The following LRP1 variants were observed in gnomAD, a reference collection of about 807,000 sequenced individuals.
The protein encoded by LRP1 is prolow-density lipoprotein receptor-related protein 1.
Under a neutral mutation model 541.5 loss-of-function variants are expected in LRP1, and 51 were observed. That is an observed-to-expected ratio of 0.09 (90% CI 0.08 to 0.12). The LOEUF (loss-of-function observed/expected upper bound fraction) is 0.12, where lower values mean the gene tolerates loss of function less well. Ranked by LOEUF, LRP1 falls within the 10% of genes least tolerant of loss-of-function variation. LRP1 has a pLI of 1.00. For missense variants in LRP1, 3,878 were observed against 6,376.2 expected (o/e 0.61, Z 13.34); for synonymous variants, 2,219 against 2,470.8 (o/e 0.90, Z 3.02).
Position 57,156,722 on chromosome 12 carries a change from A to G in LRP1, c.1418-55A>G. The G allele has an allele frequency of 6.5e-7, 1 of 1,537,504 alleles. No homozygotes were observed. Among genetic ancestry groups the G allele is most frequent in the South Asian group, 1.2e-5 (1 of 83,302 alleles). ...GTGGTCAGATTCAGGAAGCCTTCTC[A>G]AGGCCTGGCACAGGGGCTCTGAGGG... is the stretch of plus-strand genomic sequence containing the variant. On this transcript the variant is annotated intron_variant, in intron 9 of 88. Coordinates refer to ENST00000243077, the MANE Select transcript of LRP1 (RefSeq NM_002332.3). The surrounding 1 kb of genome is among the most constrained non-coding windows in gnomAD (Gnocchi z 5.2).
Position 57,193,875 on chromosome 12 carries a change from G to A in LRP1, c.7805-24G>A, listed in dbSNP as rs368887613. On this transcript the variant is annotated intron_variant, in intron 47 of 88. Transcript: ENST00000243077. The stretch of plus-strand genomic sequence containing the variant: ...CCCACAGAGAAAACTCTGGCCTGAC[G>A]ATACGGGGCGGGCACTGTTCTAGAG... 1.6e-5 allele frequency: 26 copies of A among 1,607,850 alleles called. No homozygotes were observed. In the Middle Eastern group the frequency reaches 5.2e-4, roughly 32 times the overall value.
chr12:57,192,781 C>T (rs1253898019), intron 44 of LRP1, 64 bp from the exon 45 acceptor site: 1 of 1,601,284 alleles, frequency 6.2e-7, no homozygotes, highest in African/African-American at 1.3e-5. Context: ...TGGGTGGGTG[C>T]ACTCTGGGTG....
chr12:57,136,644 T>TG (rs1405165714), intron 1 of LRP1, among the ~76,000 whole-genome samples: 3 of 151,706 alleles, frequency 2.0e-5, no homozygotes, highest in Non-Finnish European at 4.4e-5. Context: ...AGCTCAGCCT[T>TG]GGGTGGGGGA....
At chr12:57,160,775 T>G in intron 12 of LRP1, 118 bp from the exon 13 acceptor site, 1 of 684,408 alleles carries the variant, frequency 1.5e-6, no homozygotes, top group Non-Finnish European at 2.6e-6. Flanking sequence ...GGTCCAGTGA[T>G]GAGCAGGACA....
chr12:57,191,849 CCACACACCA>C (rs2036395677), intron 44 of LRP1, among the ~76,000 whole-genome samples: 1 of 8,098 alleles, frequency 1.2e-4, no homozygotes, highest in African/African-American at 5.4e-4. Flanking sequence ...CACACACACA[CCACACACCA>C]CATACACACC....
rs1472501189 is a variant in LRP1, at chr12:57,177,781, T to C, written c.4361+190T>C. On this transcript the variant is annotated intron_variant, in intron 26 of 88. Transcript: ENST00000243077. This position sits in a 1 kb window ranked among gnomAD's most constrained non-coding sequence, Gnocchi z 6.8. ...GCCAGGGCCGAGGGGAGGGGGCAGG[T>C]AGAGGAGGCGGAAGCAGGGCCATCA... Among the ~76,000 whole-genome samples the C allele has an allele frequency of 6.6e-6, 1 of 151,704 alleles. No individual in the cohort carries two copies. The highest frequency in any genetic ancestry group is 2.4e-5 in the African/African-American group (1 of 41,276).
Position 57,177,372 on chromosome 12 carries a change from A to C in LRP1, c.4197-55A>C. The C allele has an allele frequency of 2.6e-6, 4 of 1,562,608 alleles. No homozygotes were observed. Among genetic ancestry groups the C allele is most frequent in the Non-Finnish European group, 3.5e-6 (4 of 1,149,474 alleles). ...CACCCTCTACCTACGATCCCACCAC[A>C]GTCGCTCCCTGAGGGCCCTGACTTT... On this transcript the variant is annotated intron_variant, in intron 25 of 88. Coordinates refer to ENST00000243077, the MANE Select transcript of LRP1 (RefSeq NM_002332.3). The surrounding 1 kb of genome is among the most constrained non-coding windows in gnomAD (Gnocchi z 6.8).
intron 77 of LRP1, 163 bp from the exon 78 acceptor site, chr12:57,208,548 C>T (rs2036837306): frequency 1.7e-6 from 1 of 597,004 alleles, no homozygotes; most frequent in African/African-American, 1.9e-5. Context: ...GCCCCTCAAC[C>T]TGCTCAGAAG....
chr12:57,155,098 A>G (rs561722616), intron 8 of LRP1: 4 of 448,856 alleles, frequency 8.9e-6, no homozygotes, highest in African/African-American at 7.8e-5. Context: ...TTGCTGGCTC[A>G]GAGGTGGCAT....
chr12:57,177,277 C>T lies in LRP1; in HGVS notation c.4196+32C>T. 6.2e-6 allele frequency: 10 copies of T among 1,607,824 alleles called. No homozygotes were observed. Among genetic ancestry groups the T allele is most frequent in the Non-Finnish European group, 8.5e-6 (10 of 1,175,244 alleles). Reference sequence around the variant, plus strand: ...ACCTTGCCCAGCCTTCTCCTGGCCCCATGGCCCCCCTGAAGTCCCATTCAG... The same window carrying T: ...ACCTTGCCCAGCCTTCTCCTGGCCCTATGGCCCCCCTGAAGTCCCATTCAG... On this transcript the variant is annotated intron_variant, in intron 25 of 88. Transcript: ENST00000243077. This position sits in a 1 kb window ranked among gnomAD's most constrained non-coding sequence, Gnocchi z 6.8.
rs572290514 is a variant in LRP1 at position 57,210,396 on chromosome 12, C to T, written c.12670C>T (p.Pro4224Ser). The T allele has an allele frequency of 1.2e-6, 2 of 1,606,698 alleles. No individual in the cohort carries two copies. The highest frequency in any genetic ancestry group is 2.2e-5 in the East Asian group (1 of 44,806). ...GAGGCAGCCCAAGTGCCGCTGCCAACCCCGCTACACGGGTGACAAGTGTGA... is the reference window on the plus strand; with the variant it reads ...GAGGCAGCCCAAGTGCCGCTGCCAATCCCGCTACACGGGTGACAAGTGTGA... ...ARRQPKCRCQPRYTGDKCELD... is the reference protein window; with the variant it reads ...ARRQPKCRCQSRYTGDKCELD... Residue 4224 changes from proline to serine, a missense_variant, in exon 82 of 89, where the codon CCC becomes TCC. Physicochemically the swap from Pro to Ser is moderately conservative, Grantham distance 74. Transcript: ENST00000243077.
chr12:57,167,390 T>C lies in LRP1; in HGVS notation c.2915-54T>C, dbSNP rs187834530. On this transcript the variant is annotated intron_variant, in intron 18 of 88. Transcript: ENST00000243077. ...GCCGCTGCACTCACCTGCCCAGTAC[T>C]GTGATGCTGTGTAATCGTGAAGGCC... The C allele has an allele frequency of 4.5e-4, 582 of 1,292,256 alleles. 8 individuals carry two copies. In the East Asian group the frequency reaches 9.4e-3, roughly 21 times the overall value. 80.0% of individuals were successfully genotyped at this position (1,292,256 alleles called of 1,614,324 possible).
At position 57,181,295 on chromosome 12, in the gene LRP1, A is replaced by T. The variant is rs2036161868; in HGVS notation, c.5662+4A>T. 6.2e-7 allele frequency: 1 copy of T among 1,609,238 alleles called. No individual in the cohort carries two copies. ...AGTGGCCAGCAGGCCTGCGAGGGTCAGTGCCTGGCTTTCCTCCCAGCCTTG... is the reference window on the plus strand; with the variant it reads ...AGTGGCCAGCAGGCCTGCGAGGGTCTGTGCCTGGCTTTCCTCCCAGCCTTG... On this transcript the variant is annotated splice_donor_region_variant and intron_variant, in intron 34 of 88. Coordinates refer to ENST00000243077, the MANE Select transcript of LRP1 (RefSeq NM_002332.3).
chr12:57,191,568 C>G (rs2036380351), intron 44 of LRP1, 56 bp downstream of exon 44: 2 of 1,474,410 alleles, frequency 1.4e-6, no homozygotes, highest in Non-Finnish European at 1.8e-6. Context: ...CATGGACATA[C>G]AAACACACAC....
At chr12:57,194,529 G>A in intron 49 of LRP1, 26 bp downstream of exon 49, 1 of 1,611,690 alleles carries the variant, frequency 6.2e-7, no homozygotes, top group Middle Eastern at 1.7e-4. Context: ...TGTGTGGTGG[G>A]TGGTGGCCTG....
At position 57,193,547 on chromosome 12, in the gene LRP1, C is replaced by T; in HGVS notation, c.7685-19C>T. On this transcript the variant is annotated intron_variant, in intron 46 of 88. Transcript: ENST00000243077. ...CCCTGTGCCTGTGGCTGACACGCAG[C>T]CTACTCCTCCATTTGCAGACTCCCG... 6.2e-7 allele frequency: 1 copy of T among 1,611,348 alleles called. No homozygotes were observed. Among genetic ancestry groups the T allele is most frequent in the Non-Finnish European group, 8.5e-7 (1 of 1,178,574 alleles).
chr12:57,198,732 G>A (rs902420002), intron 60 of LRP1, 62 bp downstream of exon 60: 39 of 1,471,674 alleles, frequency 2.7e-5, no homozygotes, highest in Non-Finnish European at 3.3e-5. Flanking sequence ...GGTCTGAAGC[G>A]ACAGGGGATC....
In LRP1 at chr12:57,162,850, C is replaced by G; in HGVS notation, c.2405-8C>G. 1 of 1,605,526 alleles carries G rather than the reference C, an allele frequency of 6.2e-7. No individual in the cohort carries two copies. On this transcript the variant is annotated splice_polypyrimidine_tract_variant and splice_region_variant and intron_variant, in intron 14 of 88. Coordinates refer to ENST00000243077, the MANE Select transcript of LRP1 (RefSeq NM_002332.3). The surrounding 1 kb of genome is among the most constrained non-coding windows in gnomAD (Gnocchi z 5.2). ...CCCTTTGCCTTTCCCCATGGCCCTT[C>G]CCCACAGTTGGCACCAACAAATGCC...
At position 57,175,556 on chromosome 12, in the gene LRP1, G is replaced by A. The variant is rs35890409; in HGVS notation, c.3644G>A (p.Gly1215Glu). ...TCCTGCCCTCTGGGCATGGAGCTGGGGCCCGACAACCACACCTGCCAGATC... is the reference window on the plus strand; with the variant it reads ...TCCTGCCCTCTGGGCATGGAGCTGGAGCCCGACAACCACACCTGCCAGATC... ...VCSCPLGMEL[G>E]PDNHTCQIQS... Residue 1215 changes from glycine to glutamate, a missense_variant, in exon 23 of 89, where the codon GGG becomes GAG. Gly to Glu is a moderately conservative substitution (Grantham distance 98, BLOSUM62 -2). Around this residue, in one of 13 missense-constraint regions of LRP1, gnomAD observed 320 missense variants for 547.9 expected, o/e 0.58. Coordinates refer to ENST00000243077, the MANE Select transcript of LRP1 (RefSeq NM_002332.3). 5.5e-3 allele frequency: 8,848 copies of A among 1,614,194 alleles called. 37 individuals are homozygous for A. Among genetic ancestry groups the A allele is most frequent in the Non-Finnish European group, 6.5e-3 (7,632 of 1,180,024 alleles).
Sources: gnomAD v4.1 joint callset for allele counts (sites outside exome capture counted in the v4.1 genomes callset) on GRCh38, gnomAD v4.1.1 for gene constraint, gnomAD v4.1.1 regional missense constraint, Gnocchi (gnomAD v3.1) non-coding constraint, MANE v1.5 for transcripts, NCBI Gene and HGNC (gene_info 2026-07-23, HGNC 2026-07-21) for gene names.